The following GRIK1 variants were observed in gnomAD, a reference collection of about 807,000 sequenced individuals.
GRIK1 encodes glutamate receptor ionotropic, kainate 1.
GRIK1 carries 69 observed loss-of-function variants against 105.7 expected under a neutral mutation model. The observed-to-expected ratio is 0.65, with a 90% CI of 0.54 to 0.80. GRIK1 has a LOEUF of 0.80. Among genes scored for constraint, GRIK1 ranks in the 30% least tolerant of loss-of-function variants. The pLI is 0.00. For missense variants in GRIK1, 1,109 were observed against 1,167.3 expected, an observed-to-expected ratio of 0.95 and a Z score of 0.73; for synonymous variants, 438 against 431.3, an observed-to-expected ratio of 1.02 and a Z score of -0.19.
chr21:29,909,905 A>G (rs1843023940), intron 1 of GRIK1, among the ~76,000 whole-genome samples: 1 of 152,158 alleles, frequency 6.6e-6, no homozygotes, highest in South Asian at 2.1e-4. Context: ...AGGGATGAAT[A>G]ATTTTAAAAG....
intron 1 of GRIK1, among the ~76,000 whole-genome samples, chr21:29,855,979 C>A (rs893168069): frequency 6.6e-6 from 1 of 152,064 alleles, no homozygotes; most frequent in Non-Finnish European, 1.5e-5. Flanking sequence ...GGGGGAAACA[C>A]ATTTGGAGAG....
At chr21:29,891,796 T>A (rs1252720703) in intron 1 of GRIK1, among the ~76,000 whole-genome samples, 2 of 152,166 alleles carry the variant, frequency 1.3e-5, no homozygotes, top group African/African-American at 2.4e-5. Context: ...GTTAAAAAAA[T>A]TTATATACTA....
chr21:29,930,622 C>T (rs1281833622), intron 1 of GRIK1, among the ~76,000 whole-genome samples: 1 of 152,168 alleles, frequency 6.6e-6, no homozygotes, highest in African/African-American at 2.4e-5. Context: ...TGTTACAATG[C>T]TTGCATCAAT....
At chr21:29,545,435 A>G (rs1201819086) in intron 16 of GRIK1, among the ~76,000 whole-genome samples, 1 of 152,038 alleles carries the variant, frequency 6.6e-6, no homozygotes, top group Non-Finnish European at 1.5e-5. Flanking sequence ...TTCTGCATGG[A>G]TTGGCTTTCC....
intron 1 of GRIK1, among the ~76,000 whole-genome samples, chr21:29,850,677 C>G (rs1458925165): frequency 6.6e-6 from 1 of 152,204 alleles, no homozygotes; most frequent in Admixed American, 6.5e-5. Context: ...GTTCCTTAGT[C>G]TTAGCAATGT....
chr21:29,695,672 AC>A (rs1278703130), intron 1 of GRIK1, among the ~76,000 whole-genome samples: 1 of 151,990 alleles, frequency 6.6e-6, no homozygotes, highest in African/African-American at 2.4e-5. Flanking sequence ...ATGGAGATTC[AC>A]CATATTGGCC....
At chr21:29,664,845 C>T (rs183406364) in intron 4 of GRIK1, among the ~76,000 whole-genome samples, 5 of 152,232 alleles carry the variant, frequency 3.3e-5, no homozygotes, top group Admixed American at 2.0e-4. Context: ...GAAAATCTGA[C>T]GGACACTACA....
chr21:29,648,692 A>C (rs2062665951), intron 6 of GRIK1, among the ~76,000 whole-genome samples: 1 of 152,128 alleles, frequency 6.6e-6, no homozygotes, highest in Admixed American at 6.5e-5. Flanking sequence ...GAATCAAAAT[A>C]TAACACGTCA....
At chr21:29,574,010 G>A (rs1230709422) in intron 14 of GRIK1, among the ~76,000 whole-genome samples, 1 of 152,086 alleles carries the variant, frequency 6.6e-6, no homozygotes, top group African/African-American at 2.4e-5. Flanking sequence ...TCATGGCATG[G>A]GTTGCAGTCA....
At chr21:29,701,200 A>G (rs1339756564) in intron 1 of GRIK1, among the ~76,000 whole-genome samples, 1 of 152,210 alleles carries the variant, frequency 6.6e-6, no homozygotes, top group Non-Finnish European at 1.5e-5. Context: ...GGGATGTGCC[A>G]GTGAGCAACA....
intron 3 of GRIK1, among the ~76,000 whole-genome samples, chr21:29,683,017 C>T (rs1051970456): frequency 9.2e-5 from 14 of 152,130 alleles, no homozygotes; most frequent in African/African-American, 2.9e-4. Flanking sequence ...AAGTGGCCAA[C>T]GAGCATATGA....
rs537167283 is a variant in GRIK1, at chr21:29,578,687, C to T, written c.1913-1506G>A. On this transcript the variant is annotated intron_variant, in intron 13 of 17. Transcript: ENST00000327783. ...CTTATAATAGTTTTCCATTAAATTGCCTCCAAGGATTTAGTGGAATGGTTT... is the reference window on the plus strand; with the variant it reads ...CTTATAATAGTTTTCCATTAAATTGTCTCCAAGGATTTAGTGGAATGGTTT... 7.1e-4 allele frequency among the ~76,000 whole-genome samples: 108 copies of T among 152,194 alleles called. No homozygotes were observed. In the Middle Eastern group the frequency reaches 0.01, roughly 14 times the overall value.
chr21:29,703,314 G>T (rs2063847450), intron 1 of GRIK1, among the ~76,000 whole-genome samples: 1 of 152,190 alleles, frequency 6.6e-6, no homozygotes, highest in African/African-American at 2.4e-5. Flanking sequence ...GAAAGCGTTT[G>T]TAGTGTTGAC....
At chr21:29,825,020 ATGT>A (rs1345432768) in intron 1 of GRIK1, among the ~76,000 whole-genome samples, 1 of 152,036 alleles carries the variant, frequency 6.6e-6, no homozygotes, top group Non-Finnish European at 1.5e-5. Context: ...TTATAGGAAA[ATGT>A]TTAATATATT....
At chr21:29,781,687 G>C (rs545334838) in intron 1 of GRIK1, among the ~76,000 whole-genome samples, 2 of 73,878 alleles carry the variant, frequency 2.7e-5, no homozygotes, top group Non-Finnish European at 5.7e-5. Flanking sequence ...TTTTTGAGAC[G>C]GAGTCTCGCT....
chr21:29,625,049 G>C (rs550198347), intron 7 of GRIK1, among the ~76,000 whole-genome samples: 4 of 152,208 alleles, frequency 2.6e-5, no homozygotes, highest in African/African-American at 9.7e-5. Flanking sequence ...TGGAGGGCAC[G>C]AGGCCATGTT....
chr21:29,936,175 G>A (rs545701678), intron 1 of GRIK1, among the ~76,000 whole-genome samples: 19 of 152,196 alleles, frequency 1.2e-4, no homozygotes, highest in Non-Finnish European at 2.5e-4. Flanking sequence ...AACATGCTTC[G>A]GAAAGCCTGG....
chr21:29,665,422 C>A (rs1408056193), intron 4 of GRIK1, among the ~76,000 whole-genome samples: 1 of 152,152 alleles, frequency 6.6e-6, no homozygotes, highest in African/African-American at 2.4e-5. Context: ...AATTATATAA[C>A]ATACTACAAA....
rs115162139 is a variant in GRIK1, at chr21:29,742,549, C to T, written c.119-48486G>A. Among the ~76,000 whole-genome samples, 404 of 152,312 alleles carry T rather than the reference C, an allele frequency of 2.7e-3. 1 individual carries two copies. Among genetic ancestry groups the T allele is most frequent in the African/African-American group, 9.3e-3 (385 of 41,568 alleles). On this transcript the variant is annotated intron_variant, in intron 1 of 17. Coordinates refer to ENST00000327783, the MANE Select transcript of GRIK1 (RefSeq NM_001330994.2). The stretch of plus-strand genomic sequence containing the variant: ...CAATGCTGAATAATAAACCTCACTG[C>T]GTGGTTCAGTAAACATATGGACTAA...
Sources: gnomAD v4.1 joint callset for allele counts (sites outside exome capture counted in the v4.1 genomes callset) on GRCh38, gnomAD v4.1.1 for gene constraint, MANE v1.5 for transcripts, NCBI Gene and HGNC (gene_info 2026-07-23, HGNC 2026-07-21) for gene names.